The following CLN8 variants were observed in gnomAD, a reference collection of about 807,000 sequenced individuals.
The protein encoded by CLN8 is CLN8 transmembrane ER and ERGIC protein.
Under a neutral mutation model 15.7 loss-of-function variants are expected in CLN8, and 14 were observed. The ratio of observed to expected loss-of-function variants is 0.89; its 90% CI spans 0.59 to 1.39. The LOEUF (loss-of-function observed/expected upper bound fraction) is 1.39. Among genes scored for constraint, CLN8 ranks in the 40% most tolerant of loss-of-function variants. The probability of loss-of-function intolerance (pLI) is 0.00; values close to 1 mark genes in which losing one functional copy is unlikely to be tolerated. For synonymous variants in CLN8, 188 were observed against 151.0 expected, an observed-to-expected ratio of 1.25 and a Z score of -1.80; for missense variants, 415 against 364.0, an observed-to-expected ratio of 1.14 and a Z score of -1.14.
At position 1,780,944 on chromosome 8, in the gene CLN8, C is replaced by A. The variant is rs1801696804; in HGVS notation, c.*377C>A. On this transcript the variant is annotated 3_prime_UTR_variant, in exon 3 of 3. Coordinates refer to ENST00000331222, the MANE Select transcript of CLN8 (RefSeq NM_018941.4). ...GCGGGTGGGTCAGCGTTGACTCTTT[C>A]CAGCTGCACACTCATATGCCGTGTG... is the stretch of plus-strand genomic sequence containing the variant. The A allele has an allele frequency of 8.1e-5, 25 of 308,516 alleles. 1 individual carries two copies. The South Asian group carries it at 1.2e-3, about 14-fold the overall frequency. 19.1% of individuals were successfully genotyped at this position (308,516 alleles called of 1,614,324 possible). A position where few individuals can be genotyped will look rare whatever the true frequency, so the allele number is the denominator to read the frequency against.
chr8:1,777,193 A>T (rs1585147296), intron 2 of CLN8, among the ~76,000 whole-genome samples: 1 of 152,218 alleles, frequency 6.6e-6, no homozygotes, highest in Non-Finnish European at 1.5e-5. Context: ...GGCAAGTGTA[A>T]CACAACTGTA....
At chr8:1,768,901 T>TC (rs1801188815) in intron 1 of CLN8, among the ~76,000 whole-genome samples, 1 of 152,232 alleles carries the variant, frequency 6.6e-6, no homozygotes, top group Non-Finnish European at 1.5e-5. Context: ...CACTGGAGTC[T>TC]TGATATATAG....
chr8:1,754,630 C>T (rs1233727271), upstream of CLN8, among the ~76,000 whole-genome samples: 1 of 152,226 alleles, frequency 6.6e-6, no homozygotes, highest in Non-Finnish European at 1.5e-5. Flanking sequence ...TCTAAAGCTG[C>T]TGTCGAACAC....
chr8:1,769,764 G>T (rs991903072), intron 1 of CLN8, among the ~76,000 whole-genome samples: 1 of 152,202 alleles, frequency 6.6e-6, no homozygotes, highest in Non-Finnish European at 1.5e-5. Context: ...GACCCTTTCA[G>T]CATGATTCAG....
In CLN8 at chr8:1,778,569, A is replaced by T. The variant is rs1409896346; in HGVS notation, c.544-1681A>T. On this transcript the variant is annotated intron_variant, in intron 2 of 2. Transcript: ENST00000331222. Reference sequence around the variant, plus strand: ...CCTGGCCCACCTTGAGGTGGCCCCAACCACAGGTGGGAGTGTTTCATTTGC... The same window carrying T: ...CCTGGCCCACCTTGAGGTGGCCCCATCCACAGGTGGGAGTGTTTCATTTGC... Among the ~76,000 whole-genome samples the T allele has an allele frequency of 2.0e-5, 3 of 152,262 alleles. No individual in the cohort carries two copies. In the East Asian group the frequency reaches 5.8e-4, roughly 29 times the overall value.
At position 1,763,789 on chromosome 8, in the gene CLN8, A is replaced by G. The variant is rs1216875342; in HGVS notation, c.-220A>G. On this transcript the variant is annotated 5_prime_UTR_variant, in exon 1 of 3. Coordinates refer to ENST00000331222, the MANE Select transcript of CLN8 (RefSeq NM_018941.4). ...GCGCGGGCGGTGTTTGAGGCCGGCC[A>G]GTCGTGACTGGGCGGCAATGAGGTC... The G allele has an allele frequency of 1.3e-5, 2 of 149,488 alleles. No homozygotes were observed. Among genetic ancestry groups the G allele is most frequent in the Non-Finnish European group, 3.0e-5 (2 of 67,294 alleles). The allele number at this position is 149,488 out of a possible 1,614,324, so 9.3% of individuals were successfully genotyped here. A position where few individuals can be genotyped will look rare whatever the true frequency, so the allele number is the denominator to read the frequency against.
chr8:1,775,320 G>T (rs1220215175), intron 2 of CLN8, among the ~76,000 whole-genome samples: 1 of 152,078 alleles, frequency 6.6e-6, no homozygotes, highest in Non-Finnish European at 1.5e-5. Flanking sequence ...CGTGGCTTTG[G>T]GTATCTGCAG....
intron 2 of CLN8, chr8:1,779,929 T>C: frequency 1.0e-6 from 1 of 984,590 alleles, no homozygotes; most frequent in Non-Finnish European, 1.2e-6. Context: ...AAATTCAAGA[T>C]AAAACAAAGA....
chr8:1,765,355 A>T (rs1340284215), intron 1 of CLN8: 1 of 152,376 alleles, frequency 6.6e-6, no homozygotes, highest in East Asian at 1.9e-4. Flanking sequence ...GTTTATATCT[A>T]GAAAAACAAT....
upstream of CLN8, among the ~76,000 whole-genome samples, chr8:1,761,332 C>T (rs903266353): frequency 3.6e-4 from 51 of 141,730 alleles, no homozygotes; most frequent in Non-Finnish European, 3.3e-4. Context: ...AGAGTTTTTG[C>T]TGTTGTTTTT....
intron 1 of CLN8, among the ~76,000 whole-genome samples, chr8:1,767,595 G>A (rs1235649661): frequency 6.7e-5 from 6 of 89,924 alleles, no homozygotes; most frequent in Non-Finnish European, 1.0e-4. Context: ...TTTTTGAGAC[G>A]GGGTCTCATC....
chr8:1,777,462 C>A (rs1156448858), intron 2 of CLN8, among the ~76,000 whole-genome samples: 1 of 151,998 alleles, frequency 6.6e-6, no homozygotes, highest in Non-Finnish European at 1.5e-5. Context: ...CATAAAGTAA[C>A]CTTAACTTAC....
In CLN8 at chr8:1,771,547, C is replaced by T. The variant is rs748077420; in HGVS notation, c.493C>T (p.Leu165Phe). 1.2e-6 allele frequency: 2 copies of T among 1,614,136 alleles called. No individual in the cohort carries two copies. Among genetic ancestry groups the T allele is most frequent in the South Asian group, 2.2e-5 (2 of 91,082 alleles). ...CCACTATCTAGCTATGACCACGTTGCTCCTGGAGATGAGCACGCCCTTTAC... is the reference window on the plus strand; with the variant it reads ...CCACTATCTAGCTATGACCACGTTGTTCCTGGAGATGAGCACGCCCTTTAC... The part of the protein sequence containing the change: ...AGHYLAMTTL[L>F]LEMSTPFTCV... Residue 165 changes from leucine to phenylalanine, a missense_variant, in exon 2 of 3, where the codon CTC becomes TTC. Transcript: ENST00000331222.
chr8:1,764,545 G>C (rs1800966735), intron 1 of CLN8: 1 of 152,686 alleles, frequency 6.5e-6, no homozygotes, highest in African/African-American at 2.4e-5. Flanking sequence ...TGGTCACCGA[G>C]TTAGCTGGGG....
intron 1 of CLN8, among the ~76,000 whole-genome samples, chr8:1,769,448 G>T (rs1801211890): frequency 6.6e-6 from 1 of 152,136 alleles, no homozygotes; most frequent in Non-Finnish European, 1.5e-5. Context: ...AGAGCAGAGG[G>T]TCCAGCTGCG....
At chr8:1,764,943 C>T (rs979454381) in intron 1 of CLN8, 5 of 152,232 alleles carry the variant, frequency 3.3e-5, no homozygotes, top group African/African-American at 1.2e-4. Context: ...TTTTTATTTA[C>T]ATACAACTTT....
intron 1 of CLN8, among the ~76,000 whole-genome samples, chr8:1,768,636 G>A (rs369677501): frequency 4.6e-5 from 7 of 152,284 alleles, no homozygotes; most frequent in Admixed American, 3.3e-4. Context: ...GTTAACCCTT[G>A]TAATGGATGC....
Position 1,785,133 on chromosome 8 carries a change from G to C in CLN8, c.*4566G>C, listed in dbSNP as rs919822538. 3.1e-5 allele frequency: 5 copies of C among 158,890 alleles called. No individual in the cohort carries two copies. Among genetic ancestry groups the C allele is most frequent in the Non-Finnish European group, 7.0e-5 (5 of 71,378 alleles). 9.8% of individuals were successfully genotyped at this position (158,890 alleles called of 1,614,324 possible). The stretch of plus-strand genomic sequence containing the variant: ...TGCTCACGCAGACAGAAGCGGAGGG[G>C]CTCCGTCGCTCTGCCCTCACGCCGC... On this transcript the variant is annotated 3_prime_UTR_variant, in exon 3 of 3. Coordinates refer to ENST00000331222, the MANE Select transcript of CLN8 (RefSeq NM_018941.4).
At chr8:1,757,480 G>C (rs1800699292) in intron 1 of CLN8, among the ~76,000 whole-genome samples, 1 of 152,174 alleles carries the variant, frequency 6.6e-6, no homozygotes, top group Non-Finnish European at 1.5e-5. Flanking sequence ...TTGCTCTGTA[G>C]TCTAGGCTGG....
Sources: gnomAD v4.1 joint callset for allele counts (sites outside exome capture counted in the v4.1 genomes callset) on GRCh38, gnomAD v4.1.1 for gene constraint, MANE v1.5 for transcripts, NCBI Gene and HGNC (gene_info 2026-07-23, HGNC 2026-07-21) for gene names.